Variants in N4BP2L2 observed in about 807,000 individuals in gnomAD.
N4BP2L2 encodes NEDD4 binding protein 2 like 2.
A neutral mutation model predicts 56.2 loss-of-function variants in N4BP2L2; 50 were observed. That is an observed-to-expected ratio of 0.89 (90% CI 0.71 to 1.13). The LOEUF (loss-of-function observed/expected upper bound fraction) is 1.13. N4BP2L2 is among the 50% of genes most tolerant of loss of function. The pLI, the probability that N4BP2L2 is intolerant of heterozygous loss-of-function variation, is 0.00. For missense variants in N4BP2L2, 689 were observed against 693.8 expected, an observed-to-expected ratio of 0.99 and a Z score of 0.08; for synonymous variants, 203 against 223.6, an observed-to-expected ratio of 0.91 and a Z score of 0.82.
In N4BP2L2 at chr13:32,443,558, C is replaced by T. The variant is rs190057029; in HGVS notation, c.934G>A (p.Val312Ile). 8.7e-6 allele frequency: 14 copies of T among 1,610,614 alleles called. No homozygotes were observed. The African/African-American group carries it at 1.9e-4, about 22-fold the overall frequency. The change falls in exon 7 of 10, where the codon GTA (valine) becomes ATA (isoleucine). Residue 312 changes from valine (V) to isoleucine (I), a missense_variant. By Grantham distance (29) the Val-to-Ile change is conservative. Transcript: ENST00000357505. ...GGTTCATGTGAGAGATTTTTATCTA[C>T]TATTTCTCTCTTCTTCATAAATAAG...
At chr13:32,527,372 A>ATTTGG (rs1238188542) in intron 3 of N4BP2L2, 36 bp downstream of exon 3, 1 of 1,601,106 alleles carries the variant, frequency 6.2e-7, no homozygotes, top group East Asian at 2.2e-5. Flanking sequence ...CTCCTAGCCA[A>ATTTGG]ATATTCTATC....
chr13:32,503,738 G>A (rs567614513), intron 6 of N4BP2L2, among the ~76,000 whole-genome samples: 28 of 152,250 alleles, frequency 1.8e-4, no homozygotes, highest in African/African-American at 6.5e-4. Context: ...CAAAACCAAG[G>A]TAAAGCTTCC....
Position 32,466,835 on chromosome 13 carries a change from T to G in N4BP2L2, c.366-22709A>C, listed in dbSNP as rs190046337. The stretch of plus-strand genomic sequence containing the variant: ...AGTCTTTAACCAAATAGCTGCACCT[T>G]ACATGTTCTTTTATATGACACGTTG... On this transcript the variant is annotated intron_variant, in intron 6 of 9. Coordinates refer to the N4BP2L2 transcript ENST00000357505. 4.6e-5 allele frequency among the ~76,000 whole-genome samples: 7 copies of G among 152,318 alleles called. No homozygotes were observed. In the East Asian group the frequency reaches 1.4e-3, roughly 29 times the overall value.
chr13:32,455,387 C>T (rs2078804201), intron 6 of N4BP2L2, among the ~76,000 whole-genome samples: 1 of 152,156 alleles, frequency 6.6e-6, no homozygotes, highest in African/African-American at 2.4e-5. Flanking sequence ...GACAGCAACC[C>T]CATTCTCCCA....
At chr13:32,511,169 A>C in exon 6 of N4BP2L2, 1 of 152,186 alleles carries the variant, frequency 6.6e-6, no homozygotes. Context: ...TGTAACAATC[A>C]CATTTAGATG....
chr13:32,527,589 TA>T, intron 2 of N4BP2L2, 57 bp from the exon 3 acceptor site: 1 of 1,537,850 alleles, frequency 6.5e-7, no homozygotes, highest in Non-Finnish European at 8.6e-7. Context: ...CCATCAGAAA[TA>T]AACTATCAGA....
exon 6 of N4BP2L2, chr13:32,511,908 T>A (rs2048228405): frequency 6.6e-6 from 1 of 152,120 alleles, no homozygotes; most frequent in Non-Finnish European, 1.5e-5. Flanking sequence ...GAGTAAATTT[T>A]CTTTCATTTT....
rs747946581 is a variant in N4BP2L2 at position 32,444,262 on chromosome 13, CTTTG to C, written c.366-140_366-137del. On this transcript the variant is annotated intron_variant, in intron 6 of 9. Transcript: ENST00000357505. ...ACTCTCAAGTGTGCACGTACTTTTT[CTTTG>C]TTTGTTTGTTTGTTTTGAGATGGAG... The C allele has an allele frequency of 3.7e-4, 225 of 609,878 alleles. 1 individual carries two copies. The highest frequency in any genetic ancestry group is 8.1e-4 in the South Asian group (15 of 18,554). 37.8% of individuals were successfully genotyped at this position (609,878 alleles called of 1,614,324 possible). A position where few individuals can be genotyped will look rare whatever the true frequency, so the allele number is the denominator to read the frequency against.
chr13:32,491,589 TA>T (rs2087079100), intron 6 of N4BP2L2, among the ~76,000 whole-genome samples: 1 of 146,754 alleles, frequency 6.8e-6, no homozygotes, highest in Non-Finnish European at 1.5e-5. Flanking sequence ...ATAAATTATA[TA>T]TACTATATGT....
At chr13:32,492,420 C>T (rs898496472) in intron 6 of N4BP2L2, among the ~76,000 whole-genome samples, 20 of 151,740 alleles carry the variant, frequency 1.3e-4, no homozygotes, top group African/African-American at 4.6e-4. Flanking sequence ...GTAGCTGGGA[C>T]TACAGGCACC....
chr13:32,433,744 G>A (rs1288173159), intron 9 of N4BP2L2, among the ~76,000 whole-genome samples: 1 of 151,512 alleles, frequency 6.6e-6, no homozygotes, highest in Admixed American at 6.6e-5. Flanking sequence ...AGCCAACATG[G>A]TGAAACCCCG....
chr13:32,538,660 CCTT>C (rs2057247033), exon 1 of N4BP2L2: 5 of 985,514 alleles, frequency 5.1e-6, no homozygotes, highest in Non-Finnish European at 6.0e-6. Flanking sequence ...CCCAATAAAA[CCTT>C]CTTTTAGGAA....
intron 6 of N4BP2L2, among the ~76,000 whole-genome samples, chr13:32,492,634 G>A (rs747433401): frequency 2.6e-5 from 4 of 151,968 alleles, no homozygotes; most frequent in South Asian, 2.1e-4. Context: ...AAGACAGCCC[G>A]ATTTACTACT....
chr13:32,500,544 T>C (rs1407866581), intron 6 of N4BP2L2, among the ~76,000 whole-genome samples: 2 of 71,520 alleles, frequency 2.8e-5, no homozygotes, highest in East Asian at 8.4e-4. Context: ...ATCCTGTCTC[T>C]ACAAAAAAAA....
chr13:32,526,818 G>GTTTTTTTTTTTTTTTTTT lies in N4BP2L2; in HGVS notation c.1384+572_1384+589dup, dbSNP rs35925361. The GTTTTTTTTTTTTTTTTTT allele has an allele frequency of 7.0e-4, 17 of 24,242 alleles. 2 individuals carry two copies. Among genetic ancestry groups the GTTTTTTTTTTTTTTTTTT allele is most frequent in the African/African-American group, 1.1e-3 (8 of 7,324 alleles). 1.5% of individuals were successfully genotyped at this position (24,242 alleles called of 1,614,324 possible). The stretch of plus-strand genomic sequence containing the variant: ...CTGAGGCCAGGCACACTTTTTGTCT[G>GTTTTTTTTTTTTTTTTTT]TTTTTTTTTTTTTTTTTTTTTTTTT... On this transcript the variant is annotated intron_variant, in intron 3 of 5. Coordinates refer to ENST00000267068, the Ensembl canonical transcript of N4BP2L2.
exon 3 of N4BP2L2, chr13:32,527,486 C>A: frequency 6.2e-7 from 1 of 1,613,790 alleles, no homozygotes; most frequent in Non-Finnish European, 8.5e-7. Context: ...TGAAAATAGT[C>A]ATCAGTGCTG....
intron 6 of N4BP2L2, among the ~76,000 whole-genome samples, chr13:32,459,420 C>G (rs1437979172): frequency 6.6e-6 from 1 of 151,574 alleles, no homozygotes; most frequent in Non-Finnish European, 1.5e-5. Flanking sequence ...TCCAAATAAA[C>G]AAAATCAGAA....
exon 6 of N4BP2L2, chr13:32,516,873 G>C (rs1312244103): frequency 2.0e-6 from 2 of 983,600 alleles, no homozygotes; most frequent in African/African-American, 3.5e-5. Flanking sequence ...GGCAGGGGAT[G>C]AATGACAAGA....
chr13:32,494,554 G>A (rs1406457169), intron 6 of N4BP2L2, among the ~76,000 whole-genome samples: 3 of 152,012 alleles, frequency 2.0e-5, no homozygotes, highest in Non-Finnish European at 4.4e-5. Context: ...ACGAGGTCAG[G>A]AGATCGAGAC....
Sources: allele counts gnomAD v4.1 joint callset (sites outside exome capture counted in the v4.1 genomes callset), GRCh38; gene constraint gnomAD v4.1.1; transcripts MANE v1.5; gene names NCBI Gene and HGNC (gene_info 2026-07-23, HGNC 2026-07-21).